The following SEMA5A variants were observed in gnomAD, a reference collection of about 807,000 sequenced individuals.
SEMA5A encodes the protein semaphorin 5A, also known as semaphorin-5A.
SEMA5A carries 55 observed loss-of-function variants against 135.5 expected under a neutral mutation model. That is an observed-to-expected ratio of 0.41 (90% CI 0.33 to 0.51). The LOEUF is 0.51. Among genes scored for constraint, SEMA5A ranks in the 20% least tolerant of loss-of-function variants. The pLI is 0.37. For synonymous variants in SEMA5A, 580 were observed against 546.5 expected (o/e 1.06, Z -0.85); for missense variants, 1,290 against 1,419.9 (o/e 0.91, Z 1.47).
chr5:9,044,446 G>C lies in SEMA5A; in HGVS notation c.3032C>G (p.Pro1011Arg). 6.2e-7 allele frequency: 1 copy of C among 1,613,988 alleles called. No homozygotes were observed. Among genetic ancestry groups the C allele is most frequent in the Non-Finnish European group, 8.5e-7 (1 of 1,180,002 alleles). The change falls in exon 22 of 23, where the codon CCT becomes CGT. Residue 1011 changes from proline (P) to arginine (R), a missense_variant. Pro to Arg is a moderately radical substitution (Grantham distance 103). Coordinates refer to ENST00000382496, the MANE Select transcript of SEMA5A (RefSeq NM_003966.3). Reference sequence around the variant, plus strand: ...GGTTATGCTGGTATTAAGGGGGGCAGGTGAGACGGGGTGGATGACAGTCGC... The same window carrying C: ...GGTTATGCTGGTATTAAGGGGGGCACGTGAGACGGGGTGGATGACAGTCGC... ...HDATVIHPVS[P>R]APLNTSITNH...
intron 1 of SEMA5A, among the ~76,000 whole-genome samples, chr5:9,497,868 G>C (rs1041534283): frequency 2.6e-5 from 4 of 152,034 alleles, no homozygotes; most frequent in Admixed American, 2.0e-4. Flanking sequence ...TTTGACTCTT[G>C]GCTACTGCTT....
intron 5 of SEMA5A, among the ~76,000 whole-genome samples, chr5:9,296,135 G>A (rs1447531732): frequency 6.6e-6 from 1 of 152,080 alleles, no homozygotes; most frequent in African/African-American, 2.4e-5. Context: ...TGTAATTGGG[G>A]CAAGAAAATA....
chr5:9,446,637 C>G (rs979043120), intron 1 of SEMA5A, among the ~76,000 whole-genome samples: 1 of 152,156 alleles, frequency 6.6e-6, no homozygotes, highest in African/African-American at 2.4e-5. Flanking sequence ...AAAAGGGTGT[C>G]TGAGACCCTT....
At chr5:9,232,229 T>A (rs1014981353) in intron 6 of SEMA5A, among the ~76,000 whole-genome samples, 2 of 152,164 alleles carry the variant, frequency 1.3e-5, no homozygotes, top group Non-Finnish European at 2.9e-5. Flanking sequence ...CTCAGGTATC[T>A]CTTCAGCAAT....
At chr5:9,184,657 C>T (rs933909390) in intron 11 of SEMA5A, among the ~76,000 whole-genome samples, 2 of 152,298 alleles carry the variant, frequency 1.3e-5, no homozygotes, top group Middle Eastern at 3.4e-3. Flanking sequence ...TAGAATAGCA[C>T]GTCATTTTGA....
chr5:9,411,378 G>A (rs1266117380), intron 2 of SEMA5A, among the ~76,000 whole-genome samples: 1 of 152,190 alleles, frequency 6.6e-6, no homozygotes. Flanking sequence ...GAGGCTATGT[G>A]TCTCAGCCCA....
rs368080249 is a variant in SEMA5A at position 9,190,208 on chromosome 5, T to C, written c.1273+59A>G. On this transcript the variant is annotated intron_variant, in intron 11 of 22. Coordinates refer to ENST00000382496, the MANE Select transcript of SEMA5A (RefSeq NM_003966.3). ...TGAAATTGAATGTTTAGAATCTAAATCTAAAACACAAAATCAGAAGATGGT... is the reference window on the plus strand; with the variant it reads ...TGAAATTGAATGTTTAGAATCTAAACCTAAAACACAAAATCAGAAGATGGT... 38 of 1,552,130 alleles carry C rather than the reference T, an allele frequency of 2.4e-5. No homozygotes were observed. In the East Asian group the frequency reaches 5.6e-4, roughly 23 times the overall value.
chr5:9,224,676 T>C lies in SEMA5A; in HGVS notation c.644A>G (p.Asn215Ser). Reference protein sequence around the residue: ...RTAQYNSKWLNEPNFVSSYDI... With the variant: ...RTAQYNSKWLSEPNFVSSYDI... Reference sequence around the variant, plus strand: ...AGAGGGAGTGACGGAAGGCTTACCATTGAGCCATTTGGAGTTGTACTGCGC... The same window carrying C: ...AGAGGGAGTGACGGAAGGCTTACCACTGAGCCATTTGGAGTTGTACTGCGC... The change falls in exon 8 of 23, where the codon AAT (asparagine) becomes AGT (serine). Residue 215 changes from asparagine (N) to serine (S), a missense_variant and splice_region_variant. Physicochemically the swap from Asn to Ser is conservative, Grantham distance 46. Coordinates refer to ENST00000382496, the MANE Select transcript of SEMA5A (RefSeq NM_003966.3). 1.2e-6 allele frequency: 2 copies of C among 1,614,030 alleles called. No individual in the cohort carries two copies. Among genetic ancestry groups the C allele is most frequent in the Middle Eastern group, 1.6e-4 (1 of 6,062 alleles).
chr5:9,299,579 A>G, intron 5 of SEMA5A, among the ~76,000 whole-genome samples: 1 of 152,266 alleles, frequency 6.6e-6, no homozygotes. Flanking sequence ...GAAAATCTTC[A>G]CTAGTGACCC....
intron 3 of SEMA5A, among the ~76,000 whole-genome samples, chr5:9,342,872 C>G (rs185930458): frequency 6.6e-6 from 1 of 152,178 alleles, no homozygotes; most frequent in African/African-American, 2.4e-5. Flanking sequence ...ACAAACCCAA[C>G]CAGCATAGTT....
At chr5:9,110,003 A>T (rs3777243) in intron 15 of SEMA5A, among the ~76,000 whole-genome samples, 1 of 152,020 alleles carries the variant, frequency 6.6e-6, no homozygotes, top group Non-Finnish European at 1.5e-5. Flanking sequence ...AACAGGGACA[A>T]TGTGAAAAGT....
At chr5:9,074,953 T>C (rs1737966051) in intron 16 of SEMA5A, among the ~76,000 whole-genome samples, 1 of 152,156 alleles carries the variant, frequency 6.6e-6, no homozygotes, top group South Asian at 2.1e-4. Context: ...GACTCAATTT[T>C]CAGAATGCTA....
intron 6 of SEMA5A, among the ~76,000 whole-genome samples, chr5:9,230,158 CTTTTTTTTTTTT>C (rs5865817): frequency 0.018 from 1,787 of 98,304 alleles, 53 homozygotes; most frequent in African/African-American, 0.065. Flanking sequence ...CTATTTTTTT[CTTTTTTTTTTTT>C]TTTTTTTTTT....
chr5:9,498,473 CA>C lies in SEMA5A; in HGVS notation c.-175+47110del, dbSNP rs890356378. On this transcript the variant is annotated intron_variant, in intron 1 of 22. Transcript: ENST00000382496. ...TAATACAAATTTCTGGAAGTTCTGA[CA>C]TTTTTAAAAGATAAATTTAAGCTTG... The C allele has an allele frequency of 2.6e-5, 4 of 152,174 alleles. 1 individual carries two copies. The highest frequency in any genetic ancestry group is 9.7e-5 in the African/African-American group (4 of 41,446). 9.4% of individuals were successfully genotyped at this position (152,174 alleles called of 1,614,324 possible).
chr5:9,403,938 GT>G (rs1248336846), intron 2 of SEMA5A, among the ~76,000 whole-genome samples: 2 of 140,724 alleles, frequency 1.4e-5, no homozygotes, highest in African/African-American at 5.4e-5. Flanking sequence ...TTGTTTGTCT[GT>G]TTGTTTGTTT....
intron 11 of SEMA5A, among the ~76,000 whole-genome samples, chr5:9,169,825 T>C (rs1384923420): frequency 6.6e-6 from 1 of 152,184 alleles, no homozygotes; most frequent in East Asian, 1.9e-4. Flanking sequence ...AACTACCAAC[T>C]ATTTGCCCTA....
intron 5 of SEMA5A, among the ~76,000 whole-genome samples, chr5:9,291,997 G>A (rs932834969): frequency 6.6e-6 from 1 of 152,056 alleles, no homozygotes; most frequent in African/African-American, 2.4e-5. Flanking sequence ...CCCTACCTGG[G>A]ATTTGCGGTG....
intron 8 of SEMA5A, among the ~76,000 whole-genome samples, chr5:9,214,447 G>T (rs1418507929): frequency 6.6e-6 from 1 of 152,128 alleles, no homozygotes; most frequent in Non-Finnish European, 1.5e-5. Flanking sequence ...TAATGCTGTT[G>T]GTGTCATAAG....
chr5:9,280,703 A>G, intron 5 of SEMA5A: 1 of 241,786 alleles, frequency 4.1e-6, no homozygotes, highest in Non-Finnish European at 8.7e-6. Context: ...AGAATTTGAA[A>G]AACCAACCAA....
Sources: gnomAD v4.1 joint callset for allele counts (sites outside exome capture counted in the v4.1 genomes callset) on GRCh38, gnomAD v4.1.1 for gene constraint, MANE v1.5 for transcripts, NCBI Gene and HGNC (gene_info 2026-07-23, HGNC 2026-07-21) for gene names.